Variants in KANSL1L observed in about 807,000 individuals in gnomAD.
The protein encoded by KANSL1L is KAT8 regulatory NSL complex subunit 1 like, also known as KAT8 regulatory NSL complex subunit 1-like protein.
Under a neutral mutation model 108.6 loss-of-function variants are expected in KANSL1L, and 25 were observed. That is an observed-to-expected ratio of 0.23 (90% CI 0.17 to 0.32). The LOEUF is 0.32. Among genes scored for constraint, KANSL1L ranks in the 10% least tolerant of loss-of-function variants. KANSL1L has a pLI of 1.00. For synonymous variants in KANSL1L, 405 were observed against 395.1 expected (o/e 1.03, Z -0.30); for missense variants, 1,137 against 1,125.7 (o/e 1.01, Z -0.14).
chr2:210,134,700 T>C (rs1354909982), intron 2 of KANSL1L, among the ~76,000 whole-genome samples: 3 of 152,124 alleles, frequency 2.0e-5, no homozygotes, highest in Admixed American at 1.3e-4. Flanking sequence ...AATAAGTGCA[T>C]AGGCTTAACA....
chr2:210,114,504 T>C (rs1341175475), intron 3 of KANSL1L, among the ~76,000 whole-genome samples: 1 of 152,116 alleles, frequency 6.6e-6, no homozygotes, highest in African/African-American at 2.4e-5. Flanking sequence ...AGATAGTAAC[T>C]TAAAGCTGTA....
intron 6 of KANSL1L, among the ~76,000 whole-genome samples, chr2:210,054,899 A>G (rs1218710742): frequency 6.6e-6 from 1 of 152,242 alleles, no homozygotes; most frequent in African/African-American, 2.4e-5. Context: ...AGAAAACCCC[A>G]AAGAACAAAC....
chr2:210,095,906 C>T (rs1250260372), intron 5 of KANSL1L, among the ~76,000 whole-genome samples: 2 of 152,062 alleles, frequency 1.3e-5, no homozygotes, highest in African/African-American at 4.8e-5. Flanking sequence ...TTTTGAAACA[C>T]ACATTATGTA....
At chr2:210,025,910 T>C (rs890856397) in intron 12 of KANSL1L, among the ~76,000 whole-genome samples, 3 of 152,200 alleles carry the variant, frequency 2.0e-5, no homozygotes, top group African/African-American at 7.2e-5. Flanking sequence ...CGTAATACTT[T>C]CCATTTGCCA....
chr2:210,145,172 G>T (rs1392167527), intron 2 of KANSL1L, among the ~76,000 whole-genome samples: 1 of 152,196 alleles, frequency 6.6e-6, no homozygotes, highest in Non-Finnish European at 1.5e-5. Context: ...ACGAAGACTG[G>T]TGGGGTCGGT....
At chr2:210,077,251 A>G (rs2125331170) in intron 5 of KANSL1L, among the ~76,000 whole-genome samples, 1 of 152,308 alleles carries the variant, frequency 6.6e-6, no homozygotes, top group Middle Eastern at 3.4e-3. Flanking sequence ...GTTGATGACA[A>G]CTACCTCACT....
At chr2:210,155,504 G>A (rs979545776) in intron 1 of KANSL1L, among the ~76,000 whole-genome samples, 2 of 152,166 alleles carry the variant, frequency 1.3e-5, no homozygotes, top group African/African-American at 4.8e-5. Flanking sequence ...CTTGCCTAAT[G>A]CAATGTCTCC....
chr2:210,047,899 T>G (rs1368619255), intron 6 of KANSL1L, among the ~76,000 whole-genome samples: 1 of 152,242 alleles, frequency 6.6e-6, no homozygotes, highest in Non-Finnish European at 1.5e-5. Flanking sequence ...GTATGAGCAG[T>G]TAAATCTGGG....
chr2:210,161,460 G>A (rs1249314524), intron 1 of KANSL1L, among the ~76,000 whole-genome samples: 1 of 152,160 alleles, frequency 6.6e-6, no homozygotes, highest in Non-Finnish European at 1.5e-5. Context: ...GAGCCTAAAT[G>A]TAAAACCTGT....
At chr2:210,080,007 C>T (rs1290733514) in intron 5 of KANSL1L, 1 of 151,506 alleles carries the variant, frequency 6.6e-6, no homozygotes, top group East Asian at 2.0e-4. Flanking sequence ...TATCTTGTAC[C>T]AGGGTTACTC....
intron 5 of KANSL1L, among the ~76,000 whole-genome samples, chr2:210,095,843 C>T (rs1056800048): frequency 7.9e-5 from 12 of 152,020 alleles, no homozygotes; most frequent in South Asian, 2.1e-4. Flanking sequence ...AAATAAATAC[C>T]TTTCCTTCAA....
intron 6 of KANSL1L, among the ~76,000 whole-genome samples, chr2:210,074,669 A>G (rs368191643): frequency 2.9e-4 from 44 of 152,334 alleles, no homozygotes; most frequent in African/African-American, 8.9e-4. Flanking sequence ...AAGTCTTTCA[A>G]TGAAAGCTAA....
intron 7 of KANSL1L, among the ~76,000 whole-genome samples, chr2:210,042,167 T>C (rs2094171896): frequency 6.6e-6 from 1 of 152,232 alleles, no homozygotes; most frequent in Non-Finnish European, 1.5e-5. Context: ...CCTTTCTTAA[T>C]ACCCGCACGT....
At chr2:210,117,241 A>C (rs1253403760) in intron 3 of KANSL1L, among the ~76,000 whole-genome samples, 3 of 152,212 alleles carry the variant, frequency 2.0e-5, no homozygotes, top group Admixed American at 2.0e-4. Context: ...AAGCACACCT[A>C]CCAGATCAAA....
At chr2:210,147,632 T>C (rs2095274739) in intron 2 of KANSL1L, among the ~76,000 whole-genome samples, 1 of 152,194 alleles carries the variant, frequency 6.6e-6, no homozygotes, top group African/African-American at 2.4e-5. Context: ...TTTGTTTTCC[T>C]TATAAACAAA....
intron 6 of KANSL1L, among the ~76,000 whole-genome samples, chr2:210,071,520 C>T (rs931660072): frequency 9.2e-5 from 14 of 152,072 alleles, no homozygotes; most frequent in African/African-American, 3.4e-4. Flanking sequence ...CCACCCCCCT[C>T]GGCCTCCCAA....
chr2:210,075,667 C>T lies in KANSL1L; in HGVS notation c.1640G>A (p.Arg547Lys). 6.2e-7 allele frequency: 1 copy of T among 1,613,848 alleles called. No homozygotes were observed. The highest frequency in any genetic ancestry group is 2.2e-5 in the East Asian group (1 of 44,850). ...GAAAGTCAAGGATGAAGATTTCAGT[C>T]TTGTCCTGTCTTTTCTCTTTTTCTT... ...HSKKKRKDRT[R>K]LKSSSLTFMS... Residue 547 changes from arginine to lysine, a missense_variant, in exon 6 of 15, where the codon AGA becomes AAA. Transcript: ENST00000281772.
intron 5 of KANSL1L, among the ~76,000 whole-genome samples, chr2:210,083,465 A>G (rs2094607539): frequency 6.6e-6 from 1 of 152,150 alleles, no homozygotes; most frequent in Admixed American, 6.6e-5. Flanking sequence ...AACCTTTTCC[A>G]TACTTTCCCT....
At chr2:210,080,924 T>C (rs1364763445) in intron 5 of KANSL1L, among the ~76,000 whole-genome samples, 2 of 151,752 alleles carry the variant, frequency 1.3e-5, no homozygotes, top group Admixed American at 6.6e-5. Context: ...CTGGCCAACA[T>C]GGTGAAACCC....
Sources: gnomAD v4.1 joint callset for allele counts (sites outside exome capture counted in the v4.1 genomes callset) on GRCh38, gnomAD v4.1.1 for gene constraint, MANE v1.5 for transcripts, NCBI Gene and HGNC (gene_info 2026-07-23, HGNC 2026-07-21) for gene names.